FAT3: variants seen among roughly 807,000 people sequenced by gnomAD.
FAT3 encodes protocadherin Fat 3.
In FAT3, 95 loss-of-function variants were observed where a neutral mutation model predicts 310.2. The observed-to-expected ratio is 0.31, with a 90% CI of 0.26 to 0.36. FAT3 has a LOEUF of 0.36. Among genes scored for constraint, FAT3 ranks in the 10% least tolerant of loss-of-function variants. The pLI is 1.00. For synonymous variants in FAT3, 2,314 were observed against 2,192.9 expected (o/e 1.06, Z -1.54); for missense variants, 5,408 against 5,715.6 (o/e 0.95, Z 1.74).
intron 2 of FAT3, among the ~76,000 whole-genome samples, chr11:92,510,480 G>A (rs1258975852): frequency 1.3e-5 from 2 of 152,254 alleles, no homozygotes; most frequent in East Asian, 3.9e-4. Flanking sequence ...TTGGCTTCCT[G>A]TCTTCAAGCT....
chr11:92,594,860 A>C, intron 3 of FAT3, among the ~76,000 whole-genome samples: 1 of 152,154 alleles, frequency 6.6e-6, no homozygotes, highest in Non-Finnish European at 1.5e-5. Context: ...TTAGTAGTAC[A>C]TCTAAATGGG....
chr11:92,327,103 A>G (rs1316130633), intron 1 of FAT3, among the ~76,000 whole-genome samples: 1 of 152,150 alleles, frequency 6.6e-6, no homozygotes, highest in Admixed American at 6.5e-5. Flanking sequence ...ACATGGAGTT[A>G]CTTTTGCTTA....
intron 21 of FAT3, among the ~76,000 whole-genome samples, chr11:92,865,891 T>C (rs749290074): frequency 1.1e-4 from 16 of 152,160 alleles, no homozygotes; most frequent in Non-Finnish European, 1.8e-4. Context: ...GCTACACCAA[T>C]GCACTCACAG....
intron 13 of FAT3, among the ~76,000 whole-genome samples, chr11:92,815,775 G>A (rs138299865): frequency 1.1e-3 from 174 of 152,306 alleles, no homozygotes; most frequent in African/African-American, 3.8e-3. Context: ...CTGGCATGGA[G>A]AGGAAGATGA....
chr11:92,567,694 T>C (rs1955512332), intron 3 of FAT3, among the ~76,000 whole-genome samples: 2 of 152,022 alleles, frequency 1.3e-5, no homozygotes, highest in Non-Finnish European at 2.9e-5. Context: ...CACCATGGAA[T>C]ACTATGCAGC....
chr11:92,366,086 A>G (rs919839445), intron 2 of FAT3, among the ~76,000 whole-genome samples: 1 of 152,184 alleles, frequency 6.6e-6, no homozygotes, highest in Non-Finnish European at 1.5e-5. Flanking sequence ...GCTCCCAGGC[A>G]ATGGCCTGAC....
chr11:92,708,306 A>G (rs1174628852), intron 4 of FAT3, among the ~76,000 whole-genome samples: 1 of 152,206 alleles, frequency 6.6e-6, no homozygotes, highest in Non-Finnish European at 1.5e-5. Flanking sequence ...ATCTCTTATA[A>G]GACACTGTCC....
chr11:92,325,839 C>T (rs967237744), intron 1 of FAT3, among the ~76,000 whole-genome samples: 3 of 152,134 alleles, frequency 2.0e-5, no homozygotes, highest in African/African-American at 4.8e-5. Flanking sequence ...ACCGTGTTGG[C>T]GAGCATGGTC....
intron 1 of FAT3, among the ~76,000 whole-genome samples, chr11:92,323,335 G>A (rs974507270): frequency 1.3e-5 from 2 of 151,930 alleles, no homozygotes; most frequent in East Asian, 1.9e-4. Context: ...TGCAGCCTCC[G>A]CCTCCTAGGT....
intron 3 of FAT3, among the ~76,000 whole-genome samples, chr11:92,648,606 A>G (rs1355515791): frequency 6.6e-6 from 1 of 152,160 alleles, no homozygotes; most frequent in African/African-American, 2.4e-5. Flanking sequence ...GCCTTCTGTC[A>G]TTCGTTTTCT....
intron 2 of FAT3, among the ~76,000 whole-genome samples, chr11:92,362,947 G>A (rs1948919451): frequency 1.3e-5 from 2 of 152,252 alleles, no homozygotes; most frequent in African/African-American, 4.8e-5. Flanking sequence ...CCAGAGGACT[G>A]TATCTTCCCA....
intron 2 of FAT3, among the ~76,000 whole-genome samples, chr11:92,445,375 C>G (rs1951185023): frequency 1.3e-5 from 2 of 152,022 alleles, no homozygotes; most frequent in Non-Finnish European, 1.5e-5. Flanking sequence ...TCAATGCTCC[C>G]CAGGAGATTC....
chr11:92,515,407 C>T (rs555115496), intron 2 of FAT3, among the ~76,000 whole-genome samples: 5 of 152,054 alleles, frequency 3.3e-5, no homozygotes, highest in South Asian at 2.1e-4. Context: ...TTTCTACATT[C>T]GGTATGGAAA....
At chr11:92,864,133 T>G (rs1014683618) in intron 21 of FAT3, among the ~76,000 whole-genome samples, 2 of 152,200 alleles carry the variant, frequency 1.3e-5, no homozygotes, top group Non-Finnish European at 2.9e-5. Flanking sequence ...TATATTTGAG[T>G]ACATCAGAGT....
intron 3 of FAT3, among the ~76,000 whole-genome samples, chr11:92,575,918 G>C (rs487166): frequency 0.74 from 112,817 of 152,064 alleles, 44,108 homozygotes; most frequent in Non-Finnish European, 0.88. Flanking sequence ...TATCAGAGAT[G>C]TTGCCTTTTA....
At chr11:92,366,234 C>T (rs1949018401) in intron 2 of FAT3, among the ~76,000 whole-genome samples, 1 of 152,206 alleles carries the variant, frequency 6.6e-6, no homozygotes, top group African/African-American at 2.4e-5. Context: ...TACCTTTCGA[C>T]TCTCTTGGAC....
intron 1 of FAT3, among the ~76,000 whole-genome samples, chr11:92,313,833 C>A (rs1342476936): frequency 6.6e-6 from 1 of 152,244 alleles, no homozygotes; most frequent in African/African-American, 2.4e-5. Context: ...GCTGGGATGA[C>A]AGGCATGGGC....
intron 6 of FAT3, among the ~76,000 whole-genome samples, chr11:92,768,170 G>C (rs1946366810): frequency 6.6e-6 from 1 of 152,156 alleles, no homozygotes; most frequent in Non-Finnish European, 1.5e-5. Flanking sequence ...TTCAGTTTCA[G>C]TGCACTTGTA....
intron 2 of FAT3, among the ~76,000 whole-genome samples, chr11:92,363,172 A>T (rs1417472449): frequency 2.0e-5 from 3 of 152,202 alleles, no homozygotes; most frequent in African/African-American, 7.2e-5. Flanking sequence ...AAGGCAAACA[A>T]TTGAGTAGCT....
Sources: gnomAD v4.1 joint callset for allele counts (sites outside exome capture counted in the v4.1 genomes callset) on GRCh38, gnomAD v4.1.1 for gene constraint, MANE v1.5 for transcripts, NCBI Gene and HGNC (gene_info 2026-07-23, HGNC 2026-07-21) for gene names.